The following ANK3 variants were observed in gnomAD, a reference collection of about 807,000 sequenced individuals.
ANK3 encodes the protein ankyrin-3.
A neutral mutation model predicts 370.9 loss-of-function variants in ANK3; 57 were observed. The ratio of observed to expected loss-of-function variants is 0.15; its 90% CI spans 0.12 to 0.19. The LOEUF is 0.19. ANK3 is among the 10% of genes least tolerant of loss of function. The pLI, the probability that ANK3 is intolerant of heterozygous loss-of-function variation, is 1.00. For synonymous variants in ANK3, 1,929 were observed against 1,946.3 expected (o/e 0.99, Z 0.23); for missense variants, 4,439 against 5,302.1 (o/e 0.84, Z 5.06).
At position 60,071,752 on chromosome 10, in the gene ANK3, G is replaced by A; in HGVS notation, c.9129C>T (p.Thr3043=). ...GLCPPLEETE[T]SPTKSPDSLE... Reference sequence around the variant, plus strand: ...AAGAATCAGGAGATTTGGTGGGGGAGGTTTCGGTTTCCTCGAGAGGTGGGC... The same window carrying A: ...AAGAATCAGGAGATTTGGTGGGGGAAGTTTCGGTTTCCTCGAGAGGTGGGC... Residue 3043 remains threonine, a synonymous_variant, in exon 37 of 44, where the codon ACC becomes ACT. Coordinates refer to ENST00000280772, the MANE Select transcript of ANK3 (RefSeq NM_020987.5). 6 of 1,598,072 alleles carry A rather than the reference G, an allele frequency of 3.8e-6. No individual in the cohort carries two copies. Among genetic ancestry groups the A allele is most frequent in the Non-Finnish European group, 4.3e-6 (5 of 1,174,006 alleles).
intron 1 of ANK3, among the ~76,000 whole-genome samples, chr10:60,281,658 AT>A (rs1213780411): frequency 6.6e-6 from 1 of 152,252 alleles, no homozygotes; most frequent in Non-Finnish European, 1.5e-5. Context: ...GCATCAACAA[AT>A]AAGTAAATTG....
intron 2 of ANK3, among the ~76,000 whole-genome samples, chr10:60,597,076 T>C (rs1390407649): frequency 6.6e-6 from 1 of 152,170 alleles, no homozygotes; most frequent in Non-Finnish European, 1.5e-5. Flanking sequence ...TAAAAATTCT[T>C]AGCATTCCCC....
chr10:60,615,658 C>T (rs2078258613), intron 1 of ANK3, among the ~76,000 whole-genome samples: 1 of 152,258 alleles, frequency 6.6e-6, no homozygotes, highest in South Asian at 2.1e-4. Context: ...CTTTCTTGCA[C>T]AGCTATTATG....
chr10:60,450,178 C>T (rs1483539487), intron 2 of ANK3, among the ~76,000 whole-genome samples: 1 of 152,038 alleles, frequency 6.6e-6, no homozygotes, highest in Non-Finnish European at 1.5e-5. Flanking sequence ...CCTGTATTTC[C>T]AGCTACTTGA....
Position 60,644,909 on chromosome 10 carries a change from G to A in ANK3, c.58-29685C>T, listed in dbSNP as rs536891329. 2.1e-4 allele frequency among the ~76,000 whole-genome samples: 17 copies of A among 81,654 alleles called. No individual in the cohort carries two copies. In the South Asian group the frequency reaches 9.9e-3, roughly 47 times the overall value. The allele number at this position is 81,654 out of a possible 152,430, so 53.6% of individuals were successfully genotyped here. The stretch of plus-strand genomic sequence containing the variant: ...TTAGTTTAAAAAAAAAAAAAACGAT[G>A]AGTCATTGCTGCTCTTCCCTGATGT... On this transcript the variant is annotated intron_variant, in intron 1 of 43. Coordinates refer to the ANK3 transcript ENST00000373827.
At chr10:60,577,302 C>T (rs1243291454) in intron 2 of ANK3, among the ~76,000 whole-genome samples, 4 of 152,132 alleles carry the variant, frequency 2.6e-5, no homozygotes, top group Non-Finnish European at 5.9e-5. Context: ...GGGCCCTAAA[C>T]TTCTAGGCCA....
At chr10:60,138,800 GA>G in intron 24 of ANK3, 163 bp downstream of exon 24, 1 of 835,482 alleles carries the variant, frequency 1.2e-6, no homozygotes, top group Non-Finnish European at 1.8e-6. Flanking sequence ...AACCACAAAA[GA>G]AAATAGCAGA....
chr10:60,067,636 A>G (rs138944485), intron 38 of ANK3, among the ~76,000 whole-genome samples: 31 of 152,302 alleles, frequency 2.0e-4, no homozygotes, highest in African/African-American at 6.7e-4. Context: ...TAAATTTGCT[A>G]TTCAGTAGAA....
chr10:60,440,181 C>T (rs191618748), intron 2 of ANK3, among the ~76,000 whole-genome samples: 37 of 152,080 alleles, frequency 2.4e-4, no homozygotes, highest in African/African-American at 8.7e-4. Flanking sequence ...ACCTCCTTGC[C>T]CTTGACTCGG....
At position 60,231,379 on chromosome 10, in the gene ANK3, T is replaced by C. The variant is rs191477270; in HGVS notation, c.897+3309A>G. The stretch of plus-strand genomic sequence containing the variant: ...TCCCTTACAGTGCTGTCCTCTGAGG[T>C]GAAATCCAGTGATGCTTTCCTGCCT... On this transcript the variant is annotated intron_variant, in intron 8 of 43. Transcript: ENST00000280772. Among the ~76,000 whole-genome samples, 574 of 152,318 alleles carry C rather than the reference T, an allele frequency of 3.8e-3. 2 individuals carry two copies. Among genetic ancestry groups the C allele is most frequent in the Non-Finnish European group, 4.9e-3 (335 of 68,020 alleles).
intron 23 of ANK3, among the ~76,000 whole-genome samples, chr10:60,159,200 T>G (rs1345203227): frequency 6.6e-6 from 1 of 151,952 alleles, no homozygotes; most frequent in East Asian, 1.9e-4. Context: ...GAAACTCACT[T>G]TACCTATAAA....
At chr10:60,613,266 T>A (rs1045369449) in intron 2 of ANK3, among the ~76,000 whole-genome samples, 1 of 152,090 alleles carries the variant, frequency 6.6e-6, no homozygotes, top group Non-Finnish European at 1.5e-5. Flanking sequence ...TGGGAGAAAT[T>A]GGGAGGATTT....
intron 1 of ANK3, among the ~76,000 whole-genome samples, chr10:60,630,992 C>A (rs2078475923): frequency 6.6e-6 from 1 of 152,038 alleles, no homozygotes; most frequent in South Asian, 2.1e-4. Flanking sequence ...AGAGAAAACA[C>A]AATTTGCTGC....
At chr10:60,619,956 CA>C (rs2078313955) in intron 1 of ANK3, among the ~76,000 whole-genome samples, 1 of 152,182 alleles carries the variant, frequency 6.6e-6, no homozygotes, top group Non-Finnish European at 1.5e-5. Flanking sequence ...CTGTGTTACA[CA>C]GTCCTTGTTT....
chr10:60,107,435 A>G (rs1395719910), intron 27 of ANK3, among the ~76,000 whole-genome samples: 2 of 152,224 alleles, frequency 1.3e-5, no homozygotes, highest in East Asian at 3.8e-4. Context: ...AGGTATGAAC[A>G]AGGGTCTTTG....
At chr10:60,705,088 T>C (rs900367139) in intron 1 of ANK3, among the ~76,000 whole-genome samples, 1 of 152,334 alleles carries the variant, frequency 6.6e-6, no homozygotes, top group African/African-American at 2.4e-5. Flanking sequence ...ATATCATTAT[T>C]TGACAGATAT....
intron 2 of ANK3, chr10:60,615,085 C>G: frequency 1.4e-6 from 1 of 715,268 alleles, no homozygotes; most frequent in Non-Finnish European, 2.1e-6. Flanking sequence ...AAAGGACCAT[C>G]TCCTGTAAAT....
intron 8 of ANK3, among the ~76,000 whole-genome samples, chr10:60,227,485 G>A (rs948356856): frequency 5.3e-5 from 8 of 152,086 alleles, no homozygotes; most frequent in Non-Finnish European, 1.0e-4. Context: ...AAATTTGGAA[G>A]TAAATATAAA....
intron 2 of ANK3, among the ~76,000 whole-genome samples, chr10:60,574,363 C>T (rs539453485): frequency 1.6e-4 from 24 of 152,222 alleles, no homozygotes; most frequent in East Asian, 7.7e-4. Context: ...TTGAGGTGTG[C>T]GCATTAATTA....
Sources: allele counts gnomAD v4.1 joint callset (sites outside exome capture counted in the v4.1 genomes callset), GRCh38; gene constraint gnomAD v4.1.1; transcripts MANE v1.5; gene names NCBI Gene and HGNC (gene_info 2026-07-23, HGNC 2026-07-21).